GLIPR1L1: variants seen among roughly 807,000 people sequenced by gnomAD.
The protein encoded by GLIPR1L1 is GLIPR1 like 1, also known as GLIPR1-like protein 1.
A neutral mutation model predicts 29.9 loss-of-function variants in GLIPR1L1; 26 were observed. That is an observed-to-expected ratio of 0.87 (90% CI 0.64 to 1.21). The LOEUF (loss-of-function observed/expected upper bound fraction) is 1.21, where lower values mean the gene tolerates loss of function less well. Among genes scored for constraint, GLIPR1L1 ranks in the 50% most tolerant of loss-of-function variants. The pLI is 0.00. For synonymous variants in GLIPR1L1, 77 were observed against 97.5 expected, an observed-to-expected ratio of 0.79 and a Z score of 1.24; for missense variants, 305 against 290.3, an observed-to-expected ratio of 1.05 and a Z score of -0.37.
chr12:75,336,173 C>T (rs2041723696), intron 1 of GLIPR1L1, among the ~76,000 whole-genome samples: 2 of 151,712 alleles, frequency 1.3e-5, no homozygotes, highest in African/African-American at 4.8e-5. Context: ...GTTAAGAATG[C>T]ATATTTTAAT....
intron 4 of GLIPR1L1, among the ~76,000 whole-genome samples, chr12:75,367,850 TAAC>T (rs1209662272): frequency 6.6e-6 from 1 of 152,190 alleles, no homozygotes; most frequent in Non-Finnish European, 1.5e-5. Flanking sequence ...GCATAAGCTG[TAAC>T]AATAGACACA....
At chr12:75,338,682 C>T (rs1347805961) in intron 1 of GLIPR1L1, among the ~76,000 whole-genome samples, 1 of 151,968 alleles carries the variant, frequency 6.6e-6, no homozygotes, top group African/African-American at 2.4e-5. Flanking sequence ...GTTTGCTGCA[C>T]AGATCAACCA....
intron 3 of GLIPR1L1, among the ~76,000 whole-genome samples, chr12:75,359,671 A>G (rs1212116907): frequency 6.6e-6 from 1 of 152,108 alleles, no homozygotes; most frequent in African/African-American, 2.4e-5. Flanking sequence ...GATCAGAAAT[A>G]GACTCACACA....
chr12:75,341,747 CTTTTTTTTTTTTT>C (rs1185408752), intron 1 of GLIPR1L1, among the ~76,000 whole-genome samples: 4 of 83,418 alleles, frequency 4.8e-5, no homozygotes, highest in Non-Finnish European at 6.7e-5. Context: ...CGCCCGGCCT[CTTTTTTTTTTTTT>C]TTTTTTTTTT....
chr12:75,340,027 T>C (rs182754716), intron 1 of GLIPR1L1, among the ~76,000 whole-genome samples: 211 of 152,166 alleles, frequency 1.4e-3, no homozygotes, highest in Non-Finnish European at 1.6e-3. Context: ...CTGAGTTACT[T>C]CAATTAGAAT....
Position 75,343,899 on chromosome 12 carries a change from T to A in GLIPR1L1, c.381T>A (p.Asp127Glu), listed in dbSNP as rs1224169125. ...ATGAAACCCAATTTTATGATTTTGATAGTCTATCATGCTCCAGAGTCTGTG... is the reference window on the plus strand; with the variant it reads ...ATGAAACCCAATTTTATGATTTTGAAAGTCTATCATGCTCCAGAGTCTGTG... The part of the protein sequence containing the change: ...WYNETQFYDF[D>E]SLSCSRVCGH... Residue 127 changes from aspartate (D) to glutamate (E), a missense_variant, in exon 2 of 6, where the codon GAT (aspartate) becomes GAA (glutamate). Asp to Glu is a conservative substitution (Grantham distance 45). Coordinates refer to ENST00000378695, the MANE Select transcript of GLIPR1L1 (RefSeq NM_001304964.2). 1.6e-5 allele frequency: 26 copies of A among 1,611,560 alleles called. No homozygotes were observed. The highest frequency in any genetic ancestry group is 2.2e-5 in the Non-Finnish European group (26 of 1,177,950).
chr12:75,365,326 T>A (rs1264767959), intron 4 of GLIPR1L1: 1 of 152,074 alleles, frequency 6.6e-6, no homozygotes. Flanking sequence ...AAAAAGAATG[T>A]GTGTGTTAGA....
intron 4 of GLIPR1L1, chr12:75,369,408 C>T: frequency 1.9e-6 from 1 of 536,302 alleles, no homozygotes; most frequent in South Asian, 8.1e-5. Flanking sequence ...ACCATTATAT[C>T]CAAAGCTAGA....
chr12:75,359,357 C>CTTT lies in GLIPR1L1; in HGVS notation c.522-3717_522-3715dup, dbSNP rs61616225. ...GAGTTAGAAGACTCAGCATTGTTGT[C>CTTT]TTTTTTTTTTTTTTTTTTTTTTTTT... On this transcript the variant is annotated intron_variant, in intron 3 of 5. Coordinates refer to ENST00000378695, the MANE Select transcript of GLIPR1L1 (RefSeq NM_001304964.2). Among the ~76,000 whole-genome samples the CTTT allele has an allele frequency of 2.0e-3, 57 of 28,586 alleles. 6 individuals carry two copies. Among genetic ancestry groups the CTTT allele is most frequent in the African/African-American group, 4.2e-3 (30 of 7,162 alleles). 18.8% of individuals were successfully genotyped at this position (28,586 alleles called of 152,430 possible). A position where few individuals can be genotyped will look rare whatever the true frequency, so the allele number is the denominator to read the frequency against.
chr12:75,348,463 A>G (rs1001091777), intron 3 of GLIPR1L1, among the ~76,000 whole-genome samples: 1 of 152,232 alleles, frequency 6.6e-6, no homozygotes, highest in African/African-American at 2.4e-5. Flanking sequence ...TGAAAAATAC[A>G]AATTTTTATA....
intron 2 of GLIPR1L1, among the ~76,000 whole-genome samples, chr12:75,344,775 T>C (rs1353866505): frequency 5.3e-5 from 8 of 152,150 alleles, no homozygotes; most frequent in African/African-American, 1.9e-4. Flanking sequence ...CTAAGTTACC[T>C]GCAATTTATT....
chr12:75,369,545 A>G, intron 4 of GLIPR1L1: 1 of 982,528 alleles, frequency 1.0e-6, no homozygotes, highest in African/African-American at 1.7e-5. Context: ...GATGTGGAAA[A>G]GACATCGAGA....
chr12:75,343,171 G>T (rs2042231195), intron 1 of GLIPR1L1, among the ~76,000 whole-genome samples: 1 of 151,902 alleles, frequency 6.6e-6, no homozygotes, highest in Admixed American at 6.6e-5. Context: ...GTACAATAAT[G>T]AATAGAAATA....
intron 4 of GLIPR1L1, chr12:75,366,889 C>G (rs1296691504): frequency 2.9e-6 from 2 of 701,384 alleles, no homozygotes; most frequent in African/African-American, 3.5e-5. Context: ...TTGAGGGTTC[C>G]CTGTAGGGCC....
intron 2 of GLIPR1L1, among the ~76,000 whole-genome samples, chr12:75,345,599 G>T (rs952810981): frequency 6.6e-6 from 1 of 152,136 alleles, no homozygotes; most frequent in African/African-American, 2.4e-5. Flanking sequence ...TTCACTCTTC[G>T]TTCAACAACA....
rs749388850 is a variant in GLIPR1L1, at chr12:75,334,901, T to C, written c.173T>C (p.Met58Thr). 3.1e-6 allele frequency: 5 copies of C among 1,613,354 alleles called. No individual in the cohort carries two copies. Among genetic ancestry groups the C allele is most frequent in the Non-Finnish European group, 4.2e-6 (5 of 1,179,508 alleles). The change falls in exon 1 of 6, where the codon ATG becomes ACG. Residue 58 changes from methionine (M) to threonine (T), a missense_variant and splice_region_variant. By Grantham distance (81) the Met-to-Thr change is moderately conservative. Coordinates refer to ENST00000378695, the MANE Select transcript of GLIPR1L1 (RefSeq NM_001304964.2). Reference protein sequence around the residue: ...VNPPAADMKYMIWDKGLAKMA... With the variant: ...VNPPAADMKYTIWDKGLAKMA... ...CCTCCCGCGGCCGACATGAAATACA[T>C]GGTGAGAAAGAACCAGGGCTGGGCT...
intron 3 of GLIPR1L1, among the ~76,000 whole-genome samples, chr12:75,359,046 A>G (rs1351823722): frequency 6.7e-6 from 1 of 150,358 alleles, no homozygotes; most frequent in African/African-American, 2.4e-5. Flanking sequence ...GCTGATTGCT[A>G]CTGTATAGAA....
At chr12:75,342,553 T>C (rs1204299477) in intron 1 of GLIPR1L1, among the ~76,000 whole-genome samples, 3 of 152,204 alleles carry the variant, frequency 2.0e-5, no homozygotes, top group Non-Finnish European at 2.9e-5. Flanking sequence ...TTGAGCTATT[T>C]GTCTACCCTT....
At chr12:75,337,426 C>CT (rs1156780398) in intron 1 of GLIPR1L1, among the ~76,000 whole-genome samples, 5 of 151,600 alleles carry the variant, frequency 3.3e-5, no homozygotes, top group African/African-American at 1.2e-4. Context: ...TAAAAAACTC[C>CT]ACACATTAAA....
Sources: allele counts gnomAD v4.1 joint callset (sites outside exome capture counted in the v4.1 genomes callset), GRCh38; gene constraint gnomAD v4.1.1; transcripts MANE v1.5; gene names NCBI Gene and HGNC (gene_info 2026-07-23, HGNC 2026-07-21).